The following WRN variants were observed in gnomAD, a reference collection of about 807,000 sequenced individuals.
The protein encoded by WRN is bifunctional 3'-5' exonuclease/ATP-dependent helicase WRN.
In WRN, 149 loss-of-function variants were observed where a neutral mutation model predicts 180.7. The ratio of observed to expected loss-of-function variants is 0.82; its 90% CI spans 0.72 to 0.94. WRN has a LOEUF of 0.94. WRN is among the 40% of genes least tolerant of loss of function. The pLI is 0.00. For missense variants in WRN, 1,661 were observed against 1,700.1 expected (o/e 0.98, Z 0.40); for synonymous variants, 548 against 568.9 (o/e 0.96, Z 0.52).
intron 1 of WRN, among the ~76,000 whole-genome samples, chr8:31,056,760 A>G (rs1448015112): frequency 1.3e-5 from 2 of 152,174 alleles, no homozygotes; most frequent in African/African-American, 2.4e-5. Flanking sequence ...TTATTTGACT[A>G]CCCCACATTT....
intron 28 of WRN, among the ~76,000 whole-genome samples, chr8:31,145,930 G>T (rs920015011): frequency 6.6e-6 from 1 of 152,018 alleles, no homozygotes; most frequent in African/African-American, 2.4e-5. Context: ...GTACAGAAGT[G>T]AGCAGGGTGC....
intron 20 of WRN, among the ~76,000 whole-genome samples, chr8:31,118,105 T>G (rs932844776): frequency 3.3e-5 from 5 of 152,162 alleles, no homozygotes; most frequent in Non-Finnish European, 7.4e-5. Context: ...TCATGTTACG[T>G]TGTGACAGGA....
chr8:31,150,651 A>C (rs1759660420), intron 31 of WRN, among the ~76,000 whole-genome samples, 196 bp downstream of exon 31: 1 of 152,224 alleles, frequency 6.6e-6, no homozygotes, highest in Non-Finnish European at 1.5e-5. Context: ...AGATGATACT[A>C]AAAAGTAGTT....
rs145445994 is a variant in WRN, at chr8:31,081,199, G to T, written c.1172G>T (p.Cys391Phe). The T allele has an allele frequency of 8.7e-5, 140 of 1,613,804 alleles. No homozygotes were observed. Among genetic ancestry groups the T allele is most frequent in the Non-Finnish European group, 1.1e-4 (125 of 1,179,910 alleles). Residue 391 changes from cysteine to phenylalanine, a missense_variant, in exon 9 of 35, where the codon TGT becomes TTT. Transcript: ENST00000298139. ...TTGAAAGAGAATATGGAAAGAGCTTGTTTGATGTCGTTAGATATTACAGAA... is the reference window on the plus strand; with the variant it reads ...TTGAAAGAGAATATGGAAAGAGCTTTTTTGATGTCGTTAGATATTACAGAA... ...NKLKENMERA[C>F]LMSLDITEHE...
intron 24 of WRN, among the ~76,000 whole-genome samples, chr8:31,137,206 A>G (rs1035044091): frequency 6.6e-6 from 1 of 152,160 alleles, no homozygotes; most frequent in Non-Finnish European, 1.5e-5. Context: ...GACAATGTAA[A>G]TTTATTCAAA....
At chr8:31,037,896 C>T (rs1253601821) in intron 1 of WRN, among the ~76,000 whole-genome samples, 1 of 152,182 alleles carries the variant, frequency 6.6e-6, no homozygotes, top group African/African-American at 2.4e-5. Context: ...TTTCAAGGTT[C>T]ACCCATGTTG....
intron 7 of WRN, among the ~76,000 whole-genome samples, chr8:31,070,689 G>C (rs1405119810): frequency 6.6e-6 from 1 of 151,914 alleles, no homozygotes; most frequent in African/African-American, 2.4e-5. Flanking sequence ...CACATTGGGG[G>C]AAATATTCTA....
chr8:31,107,604 A>G (rs888660327), intron 18 of WRN, among the ~76,000 whole-genome samples: 5 of 152,140 alleles, frequency 3.3e-5, no homozygotes, highest in Non-Finnish European at 7.4e-5. Flanking sequence ...TGGTTATAGT[A>G]GTATCATTTT....
Position 31,058,505 on chromosome 8 carries a change from A to G in WRN, c.58A>G (p.Asn20Asp), listed in dbSNP as rs1233624462. 2 of 1,613,748 alleles carry G rather than the reference A, an allele frequency of 1.2e-6. No individual in the cohort carries two copies. The highest frequency in any genetic ancestry group is 1.7e-6 in the Non-Finnish European group (2 of 1,179,860). Reference protein sequence around the residue: ...AQQRKCPEWMNVQNKRCAVEE... With the variant: ...AQQRKCPEWMDVQNKRCAVEE... ...GCAGCGGAAATGTCCTGAATGGATG[A>G]ATGTGCAGAATAAAAGATGTGCTGT... Residue 20 changes from asparagine to aspartate, a missense_variant, in exon 2 of 35, where the codon AAT becomes GAT. Asn to Asp is a conservative substitution (Grantham distance 23, BLOSUM62 1). Transcript: ENST00000298139.
At chr8:31,095,950 T>C (rs533855797) in intron 16 of WRN, among the ~76,000 whole-genome samples, 1 of 152,344 alleles carries the variant, frequency 6.6e-6, no homozygotes, top group Admixed American at 6.5e-5. Context: ...AATCTAGATA[T>C]CGAAACAATT....
rs1299581688 is a variant in WRN at position 31,120,395 on chromosome 8, C to G, written c.2601C>G (p.Leu867=). ...GACTTCAAAGTTCTTGTCACGTCCT[C>G]TGGGCTCCTGCAGACATTAACTTAA... is the stretch of plus-strand genomic sequence containing the variant. The part of the protein sequence containing the change: ...RDGLQSSCHV[L]WAPADINLNR... The change falls in exon 21 of 35, where the codon CTC becomes CTG. Residue 867 remains leucine, a synonymous_variant. Transcript: ENST00000298139. 6.2e-7 allele frequency: 1 copy of G among 1,612,498 alleles called. No homozygotes were observed.
chr8:31,099,569 G>GTTTTTTTTT (rs555227491), intron 17 of WRN, among the ~76,000 whole-genome samples: 2 of 137,252 alleles, frequency 1.5e-5, no homozygotes, highest in Admixed American at 7.2e-5. Flanking sequence ...TTGTTTGTTT[G>GTTTTTTTTT]TTTTTTTTTT....
Position 31,090,905 on chromosome 8 carries a change from C to T in WRN, c.1792C>T (p.Leu598Phe). 1 of 1,612,902 alleles carries T rather than the reference C, an allele frequency of 6.2e-7. No individual in the cohort carries two copies. The highest frequency in any genetic ancestry group is 8.5e-7 in the Non-Finnish European group (1 of 1,179,252). The change falls in exon 15 of 35, where the codon CTT (leucine) becomes TTT (phenylalanine). Residue 598 changes from leucine (L) to phenylalanine (F), a missense_variant. Around this residue, in one of 3 missense-constraint regions of WRN, gnomAD observed 1,141 missense variants for 1,149.4 expected, o/e 0.99. Transcript: ENST00000298139. The stretch of plus-strand genomic sequence containing the variant: ...CAAGATTGGCCTTGTTATCTCTCCC[C>T]TTATTTCTCTGATGGAAGACCAAGT... ...VGKIGLVISP[L>F]ISLMEDQVLQ...
rs370460589 is a variant in WRN at position 31,087,729 on chromosome 8, C to T, written c.1432-47C>T. On this transcript the variant is annotated intron_variant, in intron 11 of 34. Transcript: ENST00000298139. ...CCTTTTGTGTTTGGTGAAAAAGATA[C>T]GACACTGTCAGTGGTTTTGCTTTTA... The T allele has an allele frequency of 2.2e-5, 34 of 1,578,508 alleles. 1 individual carries two copies. The highest frequency in any genetic ancestry group is 2.0e-4 in the African/African-American group (15 of 74,054).
At chr8:31,094,498 A>G (rs1813880151) in intron 16 of WRN, among the ~76,000 whole-genome samples, 2 of 151,786 alleles carry the variant, frequency 1.3e-5, no homozygotes, top group East Asian at 1.9e-4. Flanking sequence ...GGCATATGTT[A>G]CCATACCTGG....
chr8:31,055,188 G>T (rs890478344), intron 1 of WRN, among the ~76,000 whole-genome samples: 2 of 152,142 alleles, frequency 1.3e-5, no homozygotes, highest in African/African-American at 4.8e-5. Context: ...ATGAACATGT[G>T]TGTGCTTGTA....
At position 31,141,788 on chromosome 8, in the gene WRN, G is replaced by T. The variant is rs1563376805; in HGVS notation, c.3233+13G>T. 1 of 1,611,324 alleles carries T rather than the reference G, an allele frequency of 6.2e-7. No individual in the cohort carries two copies. Among genetic ancestry groups the T allele is most frequent in the South Asian group, 1.1e-5 (1 of 91,002 alleles). On this transcript the variant is annotated intron_variant, in intron 26 of 34. Transcript: ENST00000298139. ...TGCTTCTGCCTAGGTTCATTTTTCA[G>T]TTTTTTTCTTGTAACTTCTGCATTT...
intron 18 of WRN, among the ~76,000 whole-genome samples, chr8:31,103,463 T>C (rs1470813573): frequency 6.6e-6 from 1 of 152,224 alleles, no homozygotes; most frequent in Non-Finnish European, 1.5e-5. Context: ...ATGACATCAC[T>C]TGGTGATAGG....
chr8:31,066,985 C>G, intron 5 of WRN, 48 bp from the exon 6 acceptor site: 1 of 1,607,472 alleles, frequency 6.2e-7, no homozygotes. Flanking sequence ...TTGGTAATAC[C>G]TGAAAACAGG....
Sources: gnomAD v4.1 joint callset for allele counts (sites outside exome capture counted in the v4.1 genomes callset) on GRCh38, gnomAD v4.1.1 for gene constraint, gnomAD v4.1.1 regional missense constraint, MANE v1.5 for transcripts, NCBI Gene and HGNC (gene_info 2026-07-23, HGNC 2026-07-21) for gene names.